CCND3: variants seen among roughly 807,000 people sequenced by gnomAD.
CCND3 encodes G1/S-specific cyclin-D3.
CCND3 carries 9 observed loss-of-function variants against 28.7 expected under a neutral mutation model. That is an observed-to-expected ratio of 0.31 (90% confidence interval 0.19 to 0.55). The LOEUF is 0.55. Among genes scored for constraint, CCND3 ranks in the 20% least tolerant of loss-of-function variants. The pLI is 0.93. For missense variants in CCND3, 315 were observed against 385.8 expected (o/e 0.82, Z 1.54); for synonymous variants, 164 against 163.9 (o/e 1.00, Z 0.00).
intron 1 of CCND3, among the ~76,000 whole-genome samples, chr6:41,947,186 A>G (rs1582095831): frequency 6.6e-6 from 1 of 151,420 alleles, no homozygotes; most frequent in African/African-American, 2.4e-5. Context: ...GCGCCACTGC[A>G]CTCCAGCCTG....
chr6:41,936,907 T>C lies in CCND3; in HGVS notation c.575-212A>G, dbSNP rs548108178. The stretch of plus-strand genomic sequence containing the variant: ...GATCAGAACCAACTGCCAGTTTCCA[T>C]AGGTCCCGGGAATAGACAAGACACT... On this transcript the variant is annotated intron_variant, in intron 3 of 4. Coordinates refer to ENST00000372991, the MANE Select transcript of CCND3 (RefSeq NM_001760.5). This position sits in a 1 kb window ranked among gnomAD's most constrained non-coding sequence, Gnocchi z 4.4. 12 of 603,904 alleles carry C rather than the reference T, an allele frequency of 2.0e-5. No homozygotes were observed. The highest frequency in any genetic ancestry group is 6.1e-5 in the South Asian group (3 of 49,540). 37.4% of individuals were successfully genotyped at this position (603,904 alleles called of 1,614,324 possible). A position where few individuals can be genotyped will look rare whatever the true frequency, so the allele number is the denominator to read the frequency against.
intron 1 of CCND3, among the ~76,000 whole-genome samples, chr6:41,977,350 A>G (rs1464012462): frequency 2.0e-5 from 3 of 152,174 alleles, no homozygotes; most frequent in Non-Finnish European, 4.4e-5. Flanking sequence ...AGGAAGGCTC[A>G]GAACAAATAA....
intron 1 of CCND3, among the ~76,000 whole-genome samples, chr6:41,953,903 T>C (rs140198192): frequency 2.0e-5 from 3 of 152,000 alleles, no homozygotes; most frequent in Admixed American, 6.6e-5. Context: ...GAATACTTAC[T>C]ATGTGCCAGG....
chr6:42,035,771 G>C (rs1185418035), intron 1 of CCND3, among the ~76,000 whole-genome samples: 1 of 150,096 alleles, frequency 6.7e-6, no homozygotes, highest in Non-Finnish European at 1.5e-5. Context: ...TCCACCTCCA[G>C]GGTTCAAGCA....
chr6:41,943,048 GA>G (rs1776082206), upstream of CCND3, among the ~76,000 whole-genome samples: 2 of 151,914 alleles, frequency 1.3e-5, no homozygotes, highest in Admixed American at 1.3e-4. Context: ...ATTTTTCGTA[GA>G]GATGGGGTTT....
chr6:41,966,192 G>A (rs1450302926), intron 1 of CCND3, among the ~76,000 whole-genome samples: 1 of 152,110 alleles, frequency 6.6e-6, no homozygotes, highest in East Asian at 1.9e-4. Flanking sequence ...TTGGCTTCAG[G>A]TCCTGATCAC....
intron 1 of CCND3, among the ~76,000 whole-genome samples, chr6:42,006,402 T>A (rs1763176196): frequency 6.6e-6 from 1 of 151,816 alleles, no homozygotes; most frequent in Admixed American, 6.6e-5. Context: ...TTATTATGAG[T>A]GGGAAGCCAT....
chr6:41,941,199 C>G lies in CCND3; in HGVS notation c.198+253G>C. The G allele has an allele frequency of 7.0e-7, 1 of 1,437,522 alleles. No individual in the cohort carries two copies. Among genetic ancestry groups the G allele is most frequent in the Non-Finnish European group, 9.1e-7 (1 of 1,100,256 alleles). 89.0% of individuals were successfully genotyped at this position (1,437,522 alleles called of 1,614,324 possible). ...GAAGGGGAGAGAGTGTCCTTGGTCC[C>G]GTTTGCTCGGCCCGAAGAGAGGCAC... On this transcript the variant is annotated intron_variant, in intron 1 of 4. Transcript: ENST00000372991. The surrounding 1 kb of genome is among the most constrained non-coding windows in gnomAD (Gnocchi z 6.1).
intron 1 of CCND3, among the ~76,000 whole-genome samples, chr6:42,040,123 C>T (rs567464287): frequency 1.3e-5 from 2 of 152,296 alleles, no homozygotes; most frequent in Non-Finnish European, 2.9e-5. Flanking sequence ...ACACAGTGTG[C>T]ATGAAAAGTC....
intron 1 of CCND3, among the ~76,000 whole-genome samples, chr6:41,952,969 A>G (rs1482391277): frequency 6.6e-6 from 1 of 152,156 alleles, no homozygotes; most frequent in East Asian, 1.9e-4. Context: ...GAATTGATGG[A>G]AGACAAATAA....
intron 1 of CCND3, among the ~76,000 whole-genome samples, chr6:42,031,937 G>A (rs1403939581): frequency 6.6e-6 from 1 of 150,444 alleles, no homozygotes; most frequent in Non-Finnish European, 1.5e-5. Flanking sequence ...TTACAGGCAC[G>A]CATCATCACA....
intron 3 of CCND3, 86 bp downstream of exon 3, chr6:41,937,149 G>C (rs762592347): frequency 2.1e-6 from 3 of 1,445,820 alleles, no homozygotes; most frequent in African/African-American, 2.8e-5. Flanking sequence ...AATTTTGACA[G>C]TATAAACCAG....
chr6:41,975,921 AGC>A (rs1373734579), intron 1 of CCND3, among the ~76,000 whole-genome samples: 1 of 151,900 alleles, frequency 6.6e-6, no homozygotes, highest in Non-Finnish European at 1.5e-5. Flanking sequence ...GGCTCACTGC[AGC>A]CTCGAACTCT....
At chr6:42,000,721 C>T (rs1373841046) in intron 1 of CCND3, among the ~76,000 whole-genome samples, 1 of 151,076 alleles carries the variant, frequency 6.6e-6, no homozygotes, top group East Asian at 2.0e-4. Context: ...GCATGTGCCA[C>T]CATGCCCAGC....
At chr6:42,040,718 G>C (rs1287952211) in intron 1 of CCND3, among the ~76,000 whole-genome samples, 2 of 151,922 alleles carry the variant, frequency 1.3e-5, no homozygotes, top group African/African-American at 4.8e-5. Flanking sequence ...TGGGTGTGGT[G>C]GTGGGTGCCT....
intron 1 of CCND3, among the ~76,000 whole-genome samples, chr6:42,004,954 A>G (rs747298431): frequency 2.6e-5 from 4 of 152,212 alleles, no homozygotes; most frequent in African/African-American, 7.2e-5. Context: ...AGAATGTTTT[A>G]CAGGAATATT....
chr6:42,022,089 C>T (rs543060891), intron 1 of CCND3, among the ~76,000 whole-genome samples: 1 of 152,290 alleles, frequency 6.6e-6, no homozygotes, highest in South Asian at 2.1e-4. Flanking sequence ...TTGAAACAGT[C>T]GTGTGAGATG....
chr6:41,941,489 G>T lies in CCND3; in HGVS notation c.161C>A (p.Pro54Gln). 2 of 1,607,980 alleles carry T rather than the reference G, an allele frequency of 1.2e-6. No individual in the cohort carries two copies. The highest frequency in any genetic ancestry group is 1.1e-5 in the South Asian group (1 of 90,426). The change falls in exon 1 of 5, where the codon CCG (proline) becomes CAG (glutamine). Residue 54 changes from proline to glutamine, a missense_variant. Transcript: ENST00000372991. This position sits in a 1 kb window ranked among gnomAD's most constrained non-coding sequence, Gnocchi z 6.1. ...GTAAGCCAGCATCTTCCGCATGTGCGGCTTGATCTCCCGCTGCACGCACTG... is the reference window on the plus strand; with the variant it reads ...GTAAGCCAGCATCTTCCGCATGTGCTGCTTGATCTCCCGCTGCACGCACTG... ...YFQCVQREIKPHMRKMLAYWM... is the reference protein window; with the variant it reads ...YFQCVQREIKQHMRKMLAYWM...
At chr6:42,044,642 A>G (rs916355125) in intron 1 of CCND3, among the ~76,000 whole-genome samples, 1 of 152,184 alleles carries the variant, frequency 6.6e-6, no homozygotes, top group African/African-American at 2.4e-5. Context: ...TTGCCAGGGC[A>G]AACTTTTAAA....
Sources: gnomAD v4.1 joint callset for allele counts (sites outside exome capture counted in the v4.1 genomes callset) on GRCh38, gnomAD v4.1.1 for gene constraint, Gnocchi (gnomAD v3.1) non-coding constraint, MANE v1.5 for transcripts, NCBI Gene and HGNC (gene_info 2026-07-23, HGNC 2026-07-21) for gene names.